Variants in ADCY2 observed in about 807,000 individuals in gnomAD.
ADCY2 encodes adenylate cyclase type 2.
In ADCY2, 31 loss-of-function variants were observed where a neutral mutation model predicts 125.2. That is an observed-to-expected ratio of 0.25 (90% CI 0.19 to 0.33). The LOEUF (loss-of-function observed/expected upper bound fraction) is 0.33. Among genes scored for constraint, ADCY2 ranks in the 10% least tolerant of loss-of-function variants. ADCY2 has a pLI of 1.00. For synonymous variants in ADCY2, 512 were observed against 548.4 expected (o/e 0.93, Z 0.93); for missense variants, 904 against 1,418.2 (o/e 0.64, Z 5.82).
In ADCY2 at chr5:7,444,084, C is replaced by T. The variant is rs190852115; in HGVS notation, c.408+29314C>T. On this transcript the variant is annotated intron_variant, in intron 2 of 24. Coordinates refer to ENST00000338316, the MANE Select transcript of ADCY2 (RefSeq NM_020546.3). ...TTCTCTTCAAGCCCCTTTTGGTGAA[C>T]AGTTCTGCTGGTTTTGGTTTTTATC... Among the ~76,000 whole-genome samples the T allele has an allele frequency of 3.1e-4, 46 of 149,892 alleles. 4 individuals carry two copies. The highest frequency in any genetic ancestry group is 2.4e-3 in the East Asian group (12 of 5,060).
At position 7,445,289 on chromosome 5, in the gene ADCY2, A is replaced by C. The variant is rs149261299; in HGVS notation, c.408+30519A>C. ...TGCATATCCAGTGTCATCTTTATCT[A>C]TGTGGCTACCCAGCTGGCCCAGTGC... On this transcript the variant is annotated intron_variant, in intron 2 of 24. Coordinates refer to ENST00000338316, the MANE Select transcript of ADCY2 (RefSeq NM_020546.3). 1.6e-3 allele frequency among the ~76,000 whole-genome samples: 237 copies of C among 152,240 alleles called. 1 individual carries two copies. Among genetic ancestry groups the C allele is most frequent in the African/African-American group, 5.2e-3 (218 of 41,536 alleles).
chr5:7,658,509 T>G (rs1739420415), intron 4 of ADCY2, among the ~76,000 whole-genome samples: 1 of 151,622 alleles, frequency 6.6e-6, no homozygotes, highest in South Asian at 2.1e-4. Flanking sequence ...AATGTCTGCC[T>G]TCTGGGTTCA....
chr5:7,812,942 G>T (rs1579466975), intron 22 of ADCY2, among the ~76,000 whole-genome samples: 1 of 152,170 alleles, frequency 6.6e-6, no homozygotes, highest in African/African-American at 2.4e-5. Flanking sequence ...GGGCGTTATT[G>T]TCCCATTTAA....
intron 2 of ADCY2, among the ~76,000 whole-genome samples, chr5:7,428,007 C>G (rs1284655407): frequency 6.6e-6 from 1 of 152,140 alleles, no homozygotes; most frequent in African/African-American, 2.4e-5. Flanking sequence ...GAGCATTTAA[C>G]CAAAGGCAGG....
Position 7,757,584 on chromosome 5 carries a change from A to C in ADCY2, c.2092A>C (p.Met698Leu), listed in dbSNP as rs138503341. 220 of 1,565,122 alleles carry C rather than the reference A, an allele frequency of 1.4e-4. 1 individual carries two copies. The African/African-American group carries it at 1.6e-3, about 11-fold the overall frequency. ...AIILMMAVFN[M>L]FFLSDSEETI... ...CATATTAATGATGGCCGTGTTCAACATGGTAAGTCCCAGAGCACGGCCGTG... is the reference window on the plus strand; with the variant it reads ...CATATTAATGATGGCCGTGTTCAACCTGGTAAGTCCCAGAGCACGGCCGTG... Residue 698 changes from methionine to leucine, a missense_variant and splice_region_variant, in exon 16 of 25, where the codon ATG becomes CTG. This residue lies in a region of ADCY2 where 221 missense variants were observed against 246.2 expected (regional missense o/e 0.90). Transcript: ENST00000338316.
At chr5:7,792,598 C>T (rs1425192738) in intron 20 of ADCY2, among the ~76,000 whole-genome samples, 1 of 152,102 alleles carries the variant, frequency 6.6e-6, no homozygotes, top group African/African-American at 2.4e-5. Flanking sequence ...CTGGGCCAGA[C>T]CTCCAGGAGT....
Position 7,638,613 on chromosome 5 carries a change from C to T in ADCY2, c.720+12297C>T, listed in dbSNP as rs137962298. ...TAAGTGCCTTGCAGAAGTCTTAGCA[C>T]AGACTCTTCCTGTGACTCTGCCAGT... On this transcript the variant is annotated intron_variant, in intron 4 of 24. Transcript: ENST00000338316. Among the ~76,000 whole-genome samples, 15 of 152,354 alleles carry T rather than the reference C, an allele frequency of 9.8e-5. No individual in the cohort carries two copies. The East Asian group carries it at 2.7e-3, about 27-fold the overall frequency.
chr5:7,633,085 G>A (rs1738373624), intron 4 of ADCY2, among the ~76,000 whole-genome samples: 1 of 151,918 alleles, frequency 6.6e-6, no homozygotes, highest in Admixed American at 6.6e-5. Context: ...GCCATTATAG[G>A]GGTTTACAAA....
chr5:7,711,656 T>C (rs1264004487), intron 10 of ADCY2, among the ~76,000 whole-genome samples: 1 of 152,216 alleles, frequency 6.6e-6, no homozygotes, highest in African/African-American at 2.4e-5. Flanking sequence ...TTTAATCTGA[T>C]GCTATGTGTT....
chr5:7,561,173 T>G (rs1329110089), intron 3 of ADCY2, among the ~76,000 whole-genome samples: 1 of 152,242 alleles, frequency 6.6e-6, no homozygotes, highest in Non-Finnish European at 1.5e-5. Flanking sequence ...TCATTTTTTA[T>G]GTTTCTATTT....
intron 2 of ADCY2, among the ~76,000 whole-genome samples, chr5:7,490,250 C>T (rs185892015): frequency 6.6e-6 from 1 of 152,026 alleles, no homozygotes; most frequent in East Asian, 1.9e-4. Context: ...TTCTTTTATT[C>T]CATTAATACC....
At chr5:7,529,216 G>T (rs1734563098) in intron 3 of ADCY2, among the ~76,000 whole-genome samples, 1 of 140,356 alleles carries the variant, frequency 7.1e-6, no homozygotes, top group African/African-American at 2.5e-5. Flanking sequence ...GATTATCATG[G>T]CCTCTTCCTA....
chr5:7,653,991 C>A (rs1449913880), intron 4 of ADCY2: 2 of 443,214 alleles, frequency 4.5e-6, no homozygotes, highest in Non-Finnish European at 9.1e-6. Flanking sequence ...GTTGAGAAGA[C>A]CAGTGGAGCC....
chr5:7,573,584 G>A (rs1170313336), intron 3 of ADCY2, among the ~76,000 whole-genome samples: 1 of 129,626 alleles, frequency 7.7e-6, no homozygotes, highest in Admixed American at 7.4e-5. Context: ...GGGATACAGG[G>A]TTGATTTTCT....
chr5:7,722,247 C>A (rs1579356262), intron 12 of ADCY2, among the ~76,000 whole-genome samples: 1 of 152,152 alleles, frequency 6.6e-6, no homozygotes, highest in East Asian at 1.9e-4. Flanking sequence ...CCCTTGCCGT[C>A]CACCTGTAGG....
intron 4 of ADCY2, among the ~76,000 whole-genome samples, chr5:7,658,534 CT>C (rs1228330603): frequency 6.6e-6 from 1 of 151,900 alleles, no homozygotes; most frequent in Non-Finnish European, 1.5e-5. Flanking sequence ...ATTCTCCTGC[CT>C]CAGCCTCCCG....
chr5:7,688,798 A>T lies in ADCY2; in HGVS notation c.721-1893A>T, dbSNP rs573680974. Among the ~76,000 whole-genome samples the T allele has an allele frequency of 4.6e-5, 7 of 152,318 alleles. No homozygotes were observed. The East Asian group carries it at 1.3e-3, about 29-fold the overall frequency. ...AGAAATGGAATTCAGTGGAGGCAGTACTAGCAGAACTCAATCCCTAAACTT... is the reference window on the plus strand; with the variant it reads ...AGAAATGGAATTCAGTGGAGGCAGTTCTAGCAGAACTCAATCCCTAAACTT... On this transcript the variant is annotated intron_variant, in intron 4 of 24. Coordinates refer to ENST00000338316, the MANE Select transcript of ADCY2 (RefSeq NM_020546.3).
intron 4 of ADCY2, 120 bp from the exon 5 acceptor site, chr5:7,690,571 G>T: frequency 1.2e-6 from 1 of 824,736 alleles, no homozygotes. Context: ...CTGTATTTTA[G>T]CTTCCAGGAA....
chr5:7,574,718 G>A (rs1202710513), intron 3 of ADCY2, among the ~76,000 whole-genome samples: 1 of 152,170 alleles, frequency 6.6e-6, no homozygotes, highest in Non-Finnish European at 1.5e-5. Flanking sequence ...AGAATCTAGT[G>A]AAACATAGCA....
Sources: allele counts gnomAD v4.1 joint callset (sites outside exome capture counted in the v4.1 genomes callset), GRCh38; gene constraint gnomAD v4.1.1; regional missense constraint gnomAD v4.1.1; transcripts MANE v1.5; gene names NCBI Gene and HGNC (gene_info 2026-07-23, HGNC 2026-07-21).